The following SLC4A8 variants were observed in gnomAD, a reference collection of about 807,000 sequenced individuals.
SLC4A8 encodes the protein electroneutral sodium bicarbonate exchanger 1.
In SLC4A8, 40 loss-of-function variants were observed where a neutral mutation model predicts 125.0. The ratio of observed to expected loss-of-function variants is 0.32; its 90% CI spans 0.25 to 0.42. The LOEUF (loss-of-function observed/expected upper bound fraction) is 0.42, where lower values mean the gene tolerates loss of function less well. Ranked by LOEUF, SLC4A8 falls within the 10% of genes least tolerant of loss-of-function variation. The pLI is 1.00. For synonymous variants in SLC4A8, 456 were observed against 476.0 expected, an observed-to-expected ratio of 0.96 and a Z score of 0.55; for missense variants, 863 against 1,355.1, an observed-to-expected ratio of 0.64 and a Z score of 5.70.
At chr12:51,400,769 TATATATATACATACATACACAC>T (rs1314556362) in intron 1 of SLC4A8, among the ~76,000 whole-genome samples, 2 of 6,160 alleles carry the variant, frequency 3.2e-4, no homozygotes, top group African/African-American at 9.5e-4. Context: ...TATATATATA[TATATATATACATACATACACAC>T]ACACACACAC....
chr12:51,455,889 C>T (rs1269874309), intron 5 of SLC4A8, among the ~76,000 whole-genome samples: 2 of 152,184 alleles, frequency 1.3e-5, no homozygotes, highest in Non-Finnish European at 2.9e-5. Flanking sequence ...TGTCTGAAAT[C>T]CCATGAATGT....
chr12:51,458,074 G>A (rs1158062984), intron 6 of SLC4A8, among the ~76,000 whole-genome samples: 1 of 152,166 alleles, frequency 6.6e-6, no homozygotes, highest in Non-Finnish European at 1.5e-5. Flanking sequence ...ACTTCAATGA[G>A]TTAATCCATG....
chr12:51,470,466 C>A lies in SLC4A8; in HGVS notation c.1599C>A (p.Thr533=). The A allele has an allele frequency of 6.2e-7, 1 of 1,613,396 alleles. No homozygotes were observed. ...AYSLFAGQAL[T]ILGSTGPVLV... ...CCTTGTTTGCGGGACAGGCTCTCAC[C>A]ATCCTGGGAAGTACTGGACCAGTGC... The change falls in exon 13 of 25, where the codon ACC becomes ACA. Residue 533 remains threonine, a synonymous_variant. Transcript: ENST00000453097.
At chr12:51,417,827 T>G (rs1265415838) in intron 1 of SLC4A8, among the ~76,000 whole-genome samples, 1 of 152,224 alleles carries the variant, frequency 6.6e-6, no homozygotes, top group African/African-American at 2.4e-5. Context: ...AATTTTTGTA[T>G]TTTTAGTAGA....
At chr12:51,462,558 C>T in intron 10 of SLC4A8, 102 bp downstream of exon 10, 1 of 908,286 alleles carries the variant, frequency 1.1e-6, no homozygotes. Context: ...TATCAAGATG[C>T]AGCTCTGTTT....
At chr12:51,464,882 A>C (rs1336822551) in intron 11 of SLC4A8, among the ~76,000 whole-genome samples, 1 of 152,202 alleles carries the variant, frequency 6.6e-6, no homozygotes, top group Non-Finnish European at 1.5e-5. Flanking sequence ...AGAGAATGGC[A>C]CTTGACTAGC....
Position 51,507,429 on chromosome 12 carries a change from CT to C in SLC4A8, c.3275del (p.Phe1092SerfsTer158). On this transcript the variant is annotated frameshift_variant, in exon 25 of 25. Transcript: ENST00000453097. LOFTEE classifies it high-confidence loss of function. ...TAATTGTAACACTTTTATTCAGTCT[CT>C]TCAACTAAGAGTCTTTGCTGGGATG... Reference protein sequence around the residue: ...NSGNAKEKSLFN With the variant: ...NSGNAKEKSLXN The C allele has an allele frequency of 7.2e-7, 1 of 1,395,184 alleles. No individual in the cohort carries two copies. The highest frequency in any genetic ancestry group is 9.4e-7 in the Non-Finnish European group (1 of 1,066,494). 86.4% of individuals were successfully genotyped at this position (1,395,184 alleles called of 1,614,324 possible). A position where few individuals can be genotyped will look rare whatever the true frequency, so the allele number is the denominator to read the frequency against.
At chr12:51,441,519 C>T (rs932251897) in intron 2 of SLC4A8, among the ~76,000 whole-genome samples, 1 of 152,158 alleles carries the variant, frequency 6.6e-6, no homozygotes, top group Non-Finnish European at 1.5e-5. Context: ...TGGACCCACA[C>T]CTGGCCATGG....
At position 51,405,676 on chromosome 12, in the gene SLC4A8, G is replaced by A. The variant is rs114304298; in HGVS notation, c.-112+14188G>A. Among the ~76,000 whole-genome samples, 829 of 152,308 alleles carry A rather than the reference G, an allele frequency of 5.4e-3. 8 individuals carry two copies. The highest frequency in any genetic ancestry group is 0.019 in the African/African-American group (775 of 41,552). ...CTTCCAAAGTGCTGGGATTACAAGC[G>A]TGAGCTACCATGCCTGCAGGGCCCC... On this transcript the variant is annotated intron_variant, in intron 1 of 24. Coordinates refer to the SLC4A8 transcript ENST00000358657.
chr12:51,460,661 C>G (rs1356383081), intron 8 of SLC4A8, among the ~76,000 whole-genome samples: 1 of 152,200 alleles, frequency 6.6e-6, no homozygotes, highest in Non-Finnish European at 1.5e-5. Context: ...TTGCACAATT[C>G]TGGCATGGTT....
chr12:51,414,898 T>C (rs1014561684), intron 1 of SLC4A8, among the ~76,000 whole-genome samples: 4 of 152,222 alleles, frequency 2.6e-5, no homozygotes, highest in African/African-American at 9.6e-5. Flanking sequence ...CCAAATGCCG[T>C]TTTAGCATCT....
intron 13 of SLC4A8, 69 bp from the exon 14 acceptor site, chr12:51,471,218 A>G: frequency 2.1e-6 from 3 of 1,455,514 alleles, no homozygotes; most frequent in Non-Finnish European, 2.8e-6. Flanking sequence ...TGAATTAACC[A>G]CATTTCTGAC....
At chr12:51,484,246 G>A (rs954272619) in intron 16 of SLC4A8, among the ~76,000 whole-genome samples, 3 of 152,170 alleles carry the variant, frequency 2.0e-5, no homozygotes, top group Non-Finnish European at 2.9e-5. Context: ...TTTGTTTCCT[G>A]CTAGGACAAA....
rs947013338 is a variant in SLC4A8, at chr12:51,463,605, T to C, written c.1249-9T>C. 4 of 1,602,870 alleles carry C rather than the reference T, an allele frequency of 2.5e-6. No individual in the cohort carries two copies. In the Admixed American group the frequency reaches 6.7e-5, roughly 27 times the overall value. On this transcript the variant is annotated splice_polypyrimidine_tract_variant and intron_variant, in intron 10 of 24. Transcript: ENST00000453097. ...TACCTTTACTAATTTTGTGGTCTTC[T>C]GTTAAAAGGAGAAAAGGAAAATGCC...
At chr12:51,416,474 C>T (rs1444090123) in intron 1 of SLC4A8, among the ~76,000 whole-genome samples, 1 of 151,980 alleles carries the variant, frequency 6.6e-6, no homozygotes, top group African/African-American at 2.4e-5. Context: ...GAAACCCCAT[C>T]TCTACTAAAA....
intron 1 of SLC4A8, among the ~76,000 whole-genome samples, chr12:51,403,754 T>C (rs1172960681): frequency 6.6e-6 from 1 of 152,254 alleles, no homozygotes; most frequent in Non-Finnish European, 1.5e-5. Flanking sequence ...AATCAAGCCA[T>C]GTCACCCAGG....
In SLC4A8 at chr12:51,510,690, A is replaced by C. The variant is rs946834718; in HGVS notation, c.*3252A>C. ...CCCTCTCTTTCTTTTCATGCAAGAGACTTTAAGGGTAACCTCTTCAGTTGA... is the reference window on the plus strand; with the variant it reads ...CCCTCTCTTTCTTTTCATGCAAGAGCCTTTAAGGGTAACCTCTTCAGTTGA... On this transcript the variant is annotated 3_prime_UTR_variant, in exon 25 of 25. Coordinates refer to ENST00000453097, the MANE Select transcript of SLC4A8 (RefSeq NM_001039960.3). 6.6e-6 allele frequency: 1 copy of C among 152,094 alleles called. No individual in the cohort carries two copies. Among genetic ancestry groups the C allele is most frequent in the Non-Finnish European group, 1.5e-5 (1 of 68,032 alleles). The allele number at this position is 152,094 out of a possible 1,614,324, so 9.4% of individuals were successfully genotyped here.
chr12:51,426,454 C>T (rs1464421229), intron 1 of SLC4A8, among the ~76,000 whole-genome samples: 1 of 152,118 alleles, frequency 6.6e-6, no homozygotes, highest in African/African-American at 2.4e-5. Flanking sequence ...ATATCATAAA[C>T]TGTGATAAAT....
intron 1 of SLC4A8, 30 bp downstream of exon 1, chr12:51,425,065 C>T (rs1279121759): frequency 3.9e-6 from 6 of 1,544,140 alleles, no homozygotes; most frequent in Non-Finnish European, 5.2e-6. Flanking sequence ...GCCTCCCGCT[C>T]CTCCCCGGGG....
Sources: gnomAD v4.1 joint callset for allele counts (sites outside exome capture counted in the v4.1 genomes callset) on GRCh38, gnomAD v4.1.1 for gene constraint, MANE v1.5 for transcripts, NCBI Gene and HGNC (gene_info 2026-07-23, HGNC 2026-07-21) for gene names.